Variants in KARS1 observed in about 807,000 individuals in gnomAD.
The protein encoded by KARS1 is lysyl-tRNA synthetase 1.
KARS1 carries 50 observed loss-of-function variants against 63.9 expected under a neutral mutation model. The observed-to-expected ratio is 0.78, with a 90% confidence interval of 0.62 to 0.99. The LOEUF (loss-of-function observed/expected upper bound fraction) is 0.99, where lower values mean the gene tolerates loss of function less well. Ranked by LOEUF, KARS1 falls within the 50% of genes least tolerant of loss-of-function variation. The probability of loss-of-function intolerance (pLI) is 0.00; values close to 1 mark genes in which losing one functional copy is unlikely to be tolerated. For missense variants in KARS1, 816 were observed against 754.5 expected (o/e 1.08, Z -0.95); for synonymous variants, 320 against 264.6 (o/e 1.21, Z -2.03).
intron 13 of KARS1, 126 bp downstream of exon 13, chr16:75,628,443 C>T: frequency 8.9e-7 from 1 of 1,124,076 alleles, no homozygotes; most frequent in East Asian, 2.5e-5. Flanking sequence ...GCATGGAACT[C>T]CTCTGCCTGC....
chr16:75,635,539 G>A (rs1475018149), intron 6 of KARS1, 141 bp downstream of exon 6: 4 of 966,484 alleles, frequency 4.1e-6, no homozygotes, highest in South Asian at 1.4e-5. Flanking sequence ...GTAGAACAGA[G>A]ACGATGGCAA....
Position 75,631,930 on chromosome 16 carries a change from T to A in KARS1, c.916-75A>T. ...GAGATGGAGTTTTGCTCTTGTTGCCTAGGCTGGAGTGCAATGGCAAGATCT... is the reference window on the plus strand; with the variant it reads ...GAGATGGAGTTTTGCTCTTGTTGCCAAGGCTGGAGTGCAATGGCAAGATCT... On this transcript the variant is annotated intron_variant, in intron 7 of 13. Coordinates refer to ENST00000302445, the MANE Select transcript of KARS1 (RefSeq NM_005548.3). 26 of 1,550,782 alleles carry A rather than the reference T, an allele frequency of 1.7e-5. 1 individual carries two copies. The South Asian group carries it at 2.9e-4, about 17-fold the overall frequency.
At chr16:75,641,865 G>A in intron 1 of KARS1, 142 bp from the exon 2 acceptor site, 1 of 803,510 alleles carries the variant, frequency 1.2e-6, no homozygotes, top group South Asian at 1.4e-5. Flanking sequence ...CACACCCACA[G>A]CTCAGCTCAA....
Position 75,635,799 on chromosome 16 carries a change from T to G in KARS1, c.676A>C (p.Arg226=). The change falls in exon 6 of 14, where the codon AGG becomes CGG. Residue 226 remains arginine (R), a synonymous_variant. Coordinates refer to ENST00000302445, the MANE Select transcript of KARS1 (RefSeq NM_005548.3). ...LHFGLKDKET[R]YRQRYLDLIL... ...AAGTCCAAGTATCTCTGGCGATACC[T>G]TGTTTCCTAAACCAAAAGCAGCAGT... 1 of 1,614,232 alleles carries G rather than the reference T, an allele frequency of 6.2e-7. No individual in the cohort carries two copies. Among genetic ancestry groups the G allele is most frequent in the Non-Finnish European group, 8.5e-7 (1 of 1,180,038 alleles).
rs397514746 is a variant in KARS1 at position 75,631,726 on chromosome 16, C to T, written c.1045G>A (p.Asp349Asn). The change falls in exon 8 of 14, where the codon GAT becomes AAT. Residue 349 changes from aspartate (D) to asparagine (N), a missense_variant. By Grantham distance (23) the Asp-to-Asn change is conservative. Coordinates refer to ENST00000302445, the MANE Select transcript of KARS1 (RefSeq NM_005548.3). ...EFYMAYADYH[D>N]LMEITEKMVS... The stretch of plus-strand genomic sequence containing the variant: ...ATCTTCTCCGTGATTTCCATGAGAT[C>T]GTGATAGTCTGCATAGGCCATGTAG... 14 of 1,614,004 alleles carry T rather than the reference C, an allele frequency of 8.7e-6. No individual in the cohort carries two copies. Among genetic ancestry groups the T allele is most frequent in the South Asian group, 2.2e-5 (2 of 91,078 alleles).
intron 2 of KARS1, among the ~76,000 whole-genome samples, chr16:75,640,637 G>T (rs2082214198): frequency 6.6e-6 from 1 of 152,208 alleles, no homozygotes; most frequent in South Asian, 2.1e-4. Context: ...TGGCCTTGTT[G>T]TCACTTTTGT....
intron 7 of KARS1, 38 bp from the exon 8 acceptor site, chr16:75,631,893 C>T: frequency 7.9e-7 from 1 of 1,261,894 alleles, no homozygotes; most frequent in Non-Finnish European, 1.1e-6. Context: ...GACAGCTAAT[C>T]TTTTTTTTTT....
rs1297286256 is a variant in KARS1, at chr16:75,635,644, G to A, written c.795+36C>T. On this transcript the variant is annotated intron_variant, in intron 6 of 13. Transcript: ENST00000302445. ...GGAGAGGAGGAGGCAAGCATTGCAA[G>A]GCAGCTCATCACGTCAGGCAAGGAA... The A allele has an allele frequency of 6.2e-6, 10 of 1,611,974 alleles. No individual in the cohort carries two copies. In the South Asian group the frequency reaches 6.6e-5, roughly 11 times the overall value.
chr16:75,629,081 TTC>T (rs1251799557), intron 12 of KARS1: 2 of 464,158 alleles, frequency 4.3e-6, no homozygotes, highest in Non-Finnish European at 3.9e-6. Flanking sequence ...CCTGTGGGGG[TTC>T]TGTCTTCTCC....
intron 7 of KARS1, chr16:75,633,932 A>T (rs2082136009): frequency 4.1e-6 from 2 of 483,588 alleles, no homozygotes; most frequent in Admixed American, 6.3e-5. Flanking sequence ...GAACCAAAGT[A>T]GGTAAGGAGT....
chr16:75,632,219 C>T (rs1347273304), intron 7 of KARS1, among the ~76,000 whole-genome samples: 2 of 152,176 alleles, frequency 1.3e-5, no homozygotes, highest in Admixed American at 1.3e-4. Flanking sequence ...ATTAACAGCT[C>T]TGGGAAGTTT....
At chr16:75,646,477 G>T (rs2082284937) in intron 1 of KARS1, among the ~76,000 whole-genome samples, 1 of 151,654 alleles carries the variant, frequency 6.6e-6, no homozygotes, top group African/African-American at 2.4e-5. Flanking sequence ...GGCAGCGAAG[G>T]TTGCAGTGAG....
chr16:75,634,089 C>G (rs778742573), intron 7 of KARS1, 84 bp downstream of exon 7: 8 of 1,455,546 alleles, frequency 5.5e-6, no homozygotes, highest in Non-Finnish European at 7.7e-6. Context: ...CTCTGTTCCT[C>G]TTATTTCTGA....
chr16:75,644,327 AG>A (rs762265834), intron 1 of KARS1: 1 of 1,608,968 alleles, frequency 6.2e-7, no homozygotes, highest in Non-Finnish European at 8.5e-7. Flanking sequence ...GCGCTGTGAA[AG>A]GAGCAAGTTG....
chr16:75,634,765 C>T (rs1567500649), intron 6 of KARS1, among the ~76,000 whole-genome samples: 1 of 152,016 alleles, frequency 6.6e-6, no homozygotes, highest in African/African-American at 2.4e-5. Flanking sequence ...TTAGTAGAGA[C>T]AGGGTTTCAC....
At chr16:75,631,134 TG>T in intron 10 of KARS1, 33 bp downstream of exon 10, 1 of 1,551,870 alleles carries the variant, frequency 6.4e-7, no homozygotes, top group Non-Finnish European at 8.9e-7. Flanking sequence ...CAGCACCAGA[TG>T]AGGACATGTA....
chr16:75,636,602 T>A, intron 3 of KARS1, 55 bp from the exon 4 acceptor site: 2 of 1,119,134 alleles, frequency 1.8e-6, no homozygotes, highest in Non-Finnish European at 2.7e-6. Flanking sequence ...CATTTTATGG[T>A]ATCAGTGTCA....
chr16:75,646,623 G>A (rs1040637061), intron 1 of KARS1, among the ~76,000 whole-genome samples: 2 of 151,790 alleles, frequency 1.3e-5, no homozygotes, highest in Non-Finnish European at 2.9e-5. Flanking sequence ...TGGGGAAAGC[G>A]ATGGAGAAGG....
intron 10 of KARS1, among the ~76,000 whole-genome samples, 156 bp from the exon 11 acceptor site, chr16:75,630,664 C>T (rs2082101987): frequency 6.6e-6 from 1 of 151,862 alleles, no homozygotes; most frequent in African/African-American, 2.4e-5. Context: ...GAGATGGAGT[C>T]TCGCTCTGTC....
Sources: gnomAD v4.1 joint callset for allele counts (sites outside exome capture counted in the v4.1 genomes callset) on GRCh38, gnomAD v4.1.1 for gene constraint, MANE v1.5 for transcripts, NCBI Gene and HGNC (gene_info 2026-07-23, HGNC 2026-07-21) for gene names.